GDI2: variants seen among roughly 807,000 people sequenced by gnomAD.
The protein encoded by GDI2 is GDP dissociation inhibitor 2, also known as rab GDP dissociation inhibitor beta.
A neutral mutation model predicts 54.2 loss-of-function variants in GDI2; 22 were observed. The observed-to-expected ratio is 0.41, with a 90% CI of 0.29 to 0.58. The LOEUF is 0.58. GDI2 is among the 20% of genes least tolerant of loss of function. The pLI, the probability that GDI2 is intolerant of heterozygous loss-of-function variation, is 0.35. For synonymous variants in GDI2, 177 were observed against 182.1 expected (o/e 0.97, Z 0.23); for missense variants, 422 against 546.0 (o/e 0.77, Z 2.26).
chr10:5,783,095 G>A (rs1053937291), intron 6 of GDI2, among the ~76,000 whole-genome samples: 2 of 152,148 alleles, frequency 1.3e-5, no homozygotes, highest in Admixed American at 1.3e-4. Flanking sequence ...GCTGGGGATG[G>A]GGGGCAGTAT....
chr10:5,773,864 AT>A lies in GDI2; in HGVS notation c.796del (p.Ile266LeufsTer3). 1 of 1,479,948 alleles carries A rather than the reference AT, an allele frequency of 6.8e-7. No homozygotes were observed. Among genetic ancestry groups the A allele is most frequent in the Non-Finnish European group, 9.4e-7 (1 of 1,064,070 alleles). 91.7% of individuals were successfully genotyped at this position (1,479,948 alleles called of 1,614,324 possible). On this transcript the variant is annotated frameshift_variant, in exon 7 of 11. Coordinates refer to ENST00000380191, the MANE Select transcript of GDI2 (RefSeq NM_001494.4). LOFTEE classifies it high-confidence loss of function. Reference protein sequence around the residue: ...EEIIVQNGKVIGVKSEGEIAR... With the variant: ...EEIIVQNGKVXGVKSEGEIAR... ...TACTTCTCCTTCAGATTTTACACCAATTACTTTTCCATTCTGTACAATGATT... is the reference window on the plus strand; with the variant it reads ...TACTTCTCCTTCAGATTTTACACCAATACTTTTCCATTCTGTACAATGATT...
chr10:5,780,254 CTATAAA>C (rs1324961806), intron 6 of GDI2, among the ~76,000 whole-genome samples: 3 of 144,704 alleles, frequency 2.1e-5, no homozygotes, highest in African/African-American at 7.6e-5. Flanking sequence ...ACAGACCAAA[CTATAAA>C]TATAAGTGAA....
Position 5,785,907 on chromosome 10 carries a change from C to T in GDI2, c.532G>A (p.Gly178Ser), listed in dbSNP as rs774331835. 8.7e-6 allele frequency: 14 copies of T among 1,611,938 alleles called. No individual in the cohort carries two copies. In the East Asian group the frequency reaches 3.1e-4, roughly 36 times the overall value. The change falls in exon 5 of 11, where the codon GGT (glycine) becomes AGT (serine). Residue 178 changes from glycine (G) to serine (S), a missense_variant. By Grantham distance (56) the Gly-to-Ser change is moderately conservative. Coordinates refer to ENST00000380191, the MANE Select transcript of GDI2 (RefSeq NM_001494.4). ...CCAGTAAAATCTATAACGTCTTGAC[C>T]CAAATCAAATTTCTTATACACATCT... The part of the protein sequence containing the change: ...MRDVYKKFDL[G>S]QDVIDFTGHA...
chr10:5,773,940 G>C lies in GDI2; in HGVS notation c.721C>G (p.Leu241Val). ...TAGGTACCTCCATAAATAGCACTTAGCCTGGAAAATTTTTAAAATCCCAAT... is the reference window on the plus strand; with the variant it reads ...TAGGTACCTCCATAAATAGCACTTACCCTGGAAAATTTTTAAAATCCCAAT... ...LGELPQGFAR[L>V]SAIYGGTYML... Residue 241 changes from leucine to valine, a missense_variant and splice_region_variant, in exon 7 of 11, where the codon CTA becomes GTA. By Grantham distance (32) the Leu-to-Val change is conservative (BLOSUM62 1). Coordinates refer to ENST00000380191, the MANE Select transcript of GDI2 (RefSeq NM_001494.4). 7.1e-7 allele frequency: 1 copy of C among 1,413,238 alleles called. No individual in the cohort carries two copies. Among genetic ancestry groups the C allele is most frequent in the South Asian group, 1.2e-5 (1 of 81,808 alleles). 87.5% of individuals were successfully genotyped at this position (1,413,238 alleles called of 1,614,324 possible).
intron 1 of GDI2, among the ~76,000 whole-genome samples, chr10:5,808,173 C>T (rs750515704): frequency 6.6e-6 from 1 of 151,916 alleles, no homozygotes; most frequent in Non-Finnish European, 1.5e-5. Flanking sequence ...CCCATTTCTA[C>T]AAAAAATACC....
Position 5,766,582 on chromosome 10 carries a change from T to C in GDI2, c.1048A>G (p.Ile350Val), listed in dbSNP as rs752931374. Residue 350 changes from isoleucine to valine, a missense_variant, in exon 9 of 11, where the codon ATT (isoleucine) becomes GTT (valine). Transcript: ENST00000380191. The surrounding 1 kb of genome is among the most constrained non-coding windows in gnomAD (Gnocchi z 5.8). Reference protein sequence around the residue: ...AHNVAAQGKYIAIVSTTVETK... With the variant: ...AHNVAAQGKYVAIVSTTVETK... ...TCCACAGTTGTACTAACTATAGCAA[T>C]GTACTTCCCTTGTGCTGCTACATTG... 6 of 1,613,152 alleles carry C rather than the reference T, an allele frequency of 3.7e-6. No individual in the cohort carries two copies. The highest frequency in any genetic ancestry group is 1.1e-5 in the South Asian group (1 of 91,056).
At chr10:5,772,144 T>C (rs1840504266) in intron 7 of GDI2, among the ~76,000 whole-genome samples, 1 of 152,110 alleles carries the variant, frequency 6.6e-6, no homozygotes, top group Admixed American at 6.5e-5. Flanking sequence ...CAAGCAGTGT[T>C]ACTGTCCCTG....
At chr10:5,787,849 T>G (rs540595346) in intron 4 of GDI2, among the ~76,000 whole-genome samples, 10 of 152,256 alleles carry the variant, frequency 6.6e-5, no homozygotes, top group Non-Finnish European at 1.5e-4. Context: ...AATAGAAACC[T>G]GAGTTGCTGT....
At chr10:5,798,665 T>C (rs1483524508) in intron 2 of GDI2, among the ~76,000 whole-genome samples, 2 of 151,408 alleles carry the variant, frequency 1.3e-5, no homozygotes, top group African/African-American at 2.4e-5. Flanking sequence ...ATCTTACTCA[T>C]TGTATTGAAG....
chr10:5,791,978 T>C (rs1841027830), intron 4 of GDI2, among the ~76,000 whole-genome samples: 1 of 152,110 alleles, frequency 6.6e-6, no homozygotes, highest in Non-Finnish European at 1.5e-5. Context: ...CCATATTATA[T>C]ATAGGATCTT....
At position 5,800,599 on chromosome 10, in the gene GDI2, T is replaced by C. The variant is rs775865227; in HGVS notation, c.152A>G (p.Asp51Gly). Residue 51 changes from aspartate (D) to glycine (G), a missense_variant and splice_region_variant, in exon 2 of 11, where the codon GAT becomes GGT. Asp to Gly is a moderately conservative substitution (Grantham distance 94). Transcript: ENST00000380191. Reference sequence around the variant, plus strand: ...GTATGAAATTTGACTAACACTTACATCTTCCAATGGTGTTATAGATGCACT... The same window carrying C: ...GTATGAAATTTGACTAACACTTACACCTTCCAATGGTGTTATAGATGCACT... Reference protein sequence around the residue: ...GESASITPLEDLYKRFKIPGS... With the variant: ...GESASITPLEGLYKRFKIPGS... 7.0e-7 allele frequency: 1 copy of C among 1,421,388 alleles called. No individual in the cohort carries two copies. Among genetic ancestry groups the C allele is most frequent in the Non-Finnish European group, 1.0e-6 (1 of 1,003,948 alleles). 88.0% of individuals were successfully genotyped at this position (1,421,388 alleles called of 1,614,324 possible).
rs951265610 is a variant in GDI2 at position 5,798,996 on chromosome 10, TAAAAC to T, written c.153+1597_153+1601del. On this transcript the variant is annotated intron_variant, in intron 2 of 10. Coordinates refer to ENST00000380191, the MANE Select transcript of GDI2 (RefSeq NM_001494.4). The stretch of plus-strand genomic sequence containing the variant: ...CAAAAAAATAAAAATAAAAATAAAA[TAAAAC>T]AAAATTAAGAAAAGAAAAAAATTGT... Among the ~76,000 whole-genome samples the T allele has an allele frequency of 1.4e-3, 214 of 151,586 alleles. 1 individual carries two copies. The highest frequency in any genetic ancestry group is 5.0e-3 in the African/African-American group (205 of 41,322).
At chr10:5,771,511 A>AG (rs1184684597) in intron 7 of GDI2, among the ~76,000 whole-genome samples, 1 of 152,208 alleles carries the variant, frequency 6.6e-6, no homozygotes, top group Non-Finnish European at 1.5e-5. Flanking sequence ...AATGTGGCAC[A>AG]GGGAAGCCAA....
intron 1 of GDI2, chr10:5,812,043 A>T (rs1391106999): frequency 1.3e-5 from 4 of 318,984 alleles, no homozygotes; most frequent in Non-Finnish European, 2.5e-5. Context: ...ACATTAAATG[A>T]CTCAGGAATT....
At chr10:5,780,918 T>C (rs1034823584) in intron 6 of GDI2, among the ~76,000 whole-genome samples, 6 of 152,186 alleles carry the variant, frequency 3.9e-5, no homozygotes, top group Non-Finnish European at 5.9e-5. Flanking sequence ...AAAACGTATA[T>C]GGAAATGCGA....
chr10:5,768,463 CT>C lies in GDI2; in HGVS notation c.820-80del. On this transcript the variant is annotated intron_variant, in intron 7 of 10. Transcript: ENST00000380191. The surrounding 1 kb of genome is among the most constrained non-coding windows in gnomAD (Gnocchi z 4.4). ...CATCCCATGTTCATAGTTTGGAAGACTTAGTATTGTTAAGATATCAAAAACC... is the reference window on the plus strand; with the variant it reads ...CATCCCATGTTCATAGTTTGGAAGACTAGTATTGTTAAGATATCAAAAACC... 1.1e-6 allele frequency: 1 copy of C among 918,228 alleles called. No homozygotes were observed. The highest frequency in any genetic ancestry group is 1.7e-6 in the Non-Finnish European group (1 of 585,768). The allele number at this position is 918,228 out of a possible 1,614,324, so 56.9% of individuals were successfully genotyped here.
Position 5,808,726 on chromosome 10 carries a change from T to TACACACACAC in GDI2, c.45+4478_45+4487dup, listed in dbSNP as rs111237506. Among the ~76,000 whole-genome samples the TACACACACAC allele has an allele frequency of 1.6e-3, 222 of 138,314 alleles. 2 individuals carry two copies. Among genetic ancestry groups the TACACACACAC allele is most frequent in the East Asian group, 0.012 (55 of 4,584 alleles). The allele number at this position is 138,314 out of a possible 152,430, so 90.7% of individuals were successfully genotyped here. The stretch of plus-strand genomic sequence containing the variant: ...AAAAAAAAAAAAAAAAAACTACAAA[T>TACACACACAC]ACACACACACACACACACACACAAA... On this transcript the variant is annotated intron_variant, in intron 1 of 10. Transcript: ENST00000380191.
chr10:5,800,792 CTCTTA>C, intron 1 of GDI2, 87 bp from the exon 2 acceptor site: 1 of 757,598 alleles, frequency 1.3e-6, no homozygotes, highest in Non-Finnish European at 2.4e-6. Flanking sequence ...ATTACACATT[CTCTTA>C]GTAATTACAC....
chr10:5,787,142 G>A (rs956378351), intron 4 of GDI2, among the ~76,000 whole-genome samples: 1 of 152,292 alleles, frequency 6.6e-6, no homozygotes, highest in Non-Finnish European at 1.5e-5. Context: ...TCTATTGACA[G>A]CTTAATGTTT....
Sources: allele counts gnomAD v4.1 joint callset (sites outside exome capture counted in the v4.1 genomes callset), GRCh38; gene constraint gnomAD v4.1.1; non-coding constraint Gnocchi (gnomAD v3.1); transcripts MANE v1.5; gene names NCBI Gene and HGNC (gene_info 2026-07-23, HGNC 2026-07-21).